PARP12: variants seen among roughly 807,000 people sequenced by gnomAD.
PARP12 encodes protein mono-ADP-ribosyltransferase PARP12.
In PARP12, 59 loss-of-function variants were observed where a neutral mutation model predicts 72.4. The observed-to-expected ratio is 0.81, with a 90% CI of 0.66 to 1.01. PARP12 has a LOEUF of 1.01. Ranked by LOEUF, PARP12 falls within the 50% of genes least tolerant of loss-of-function variation. PARP12 has a pLI of 0.00. For missense variants in PARP12, 851 were observed against 914.0 expected (o/e 0.93, Z 0.89); for synonymous variants, 403 against 371.4 (o/e 1.09, Z -0.98).
At chr7:140,061,466 C>A (rs1005731558) in intron 1 of PARP12, among the ~76,000 whole-genome samples, 2 of 152,094 alleles carry the variant, frequency 1.3e-5, no homozygotes, top group African/African-American at 2.4e-5. Context: ...CACACACACA[C>A]AAAACAGGGA....
intron 1 of PARP12, among the ~76,000 whole-genome samples, chr7:140,060,939 A>G (rs961447321): frequency 6.6e-6 from 1 of 152,158 alleles, no homozygotes; most frequent in Non-Finnish European, 1.5e-5. Context: ...TCTGACCTGA[A>G]CAGCTGCCTC....
Position 140,024,734 on chromosome 7 carries a change from G to C in PARP12, c.1932C>G (p.Ser644Arg), listed in dbSNP as rs1569526183. The change falls in exon 12 of 12, where the codon AGC becomes AGG. Residue 644 changes from serine (S) to arginine (R), a missense_variant. Coordinates refer to ENST00000263549, the MANE Select transcript of PARP12 (RefSeq NM_022750.4). ...FVRPPAKEGW[S>R]NAFYDSCVNS... is the part of the protein sequence containing the mutation. The stretch of plus-strand genomic sequence containing the variant: ...TCACGCAGCTATCATAGAAGGCGTT[G>C]CTCCAGCCCTCCTTGGCCGGCGGAC... 6.2e-7 allele frequency: 1 copy of C among 1,614,186 alleles called. No individual in the cohort carries two copies. Among genetic ancestry groups the C allele is most frequent in the Non-Finnish European group, 8.5e-7 (1 of 1,180,048 alleles).
intron 8 of PARP12, among the ~76,000 whole-genome samples, chr7:140,032,525 C>T (rs1815978081): frequency 6.6e-6 from 1 of 151,944 alleles, no homozygotes; most frequent in Admixed American, 6.6e-5. Context: ...TTCATCACGA[C>T]ATTATACTTT....
intron 4 of PARP12, among the ~76,000 whole-genome samples, chr7:140,051,172 T>C (rs1273857115): frequency 6.6e-6 from 1 of 152,174 alleles, no homozygotes; most frequent in Non-Finnish European, 1.5e-5. Context: ...CATATGTAAG[T>C]GGACTTCAAA....
chr7:140,035,917 GGAGGAGGACA>G (rs1816143591), intron 7 of PARP12, among the ~76,000 whole-genome samples: 1 of 127,002 alleles, frequency 7.9e-6, no homozygotes, highest in African/African-American at 3.3e-5. Flanking sequence ...AGGAGGACAA[GGAGGAGGACA>G]AGGAGGAGGA....
intron 8 of PARP12, chr7:140,033,866 G>A (rs984850373): frequency 7.1e-5 from 70 of 992,788 alleles, no homozygotes; most frequent in Non-Finnish European, 8.1e-5. Context: ...TTTTATTGGT[G>A]TAATTCCATC....
chr7:140,040,748 C>A lies in PARP12; in HGVS notation c.1182+896G>T, dbSNP rs565751229. On this transcript the variant is annotated intron_variant, in intron 6 of 11. Transcript: ENST00000263549. ...CGATTTTCATTTTGGAGGGTGAGTT[C>A]TTTATCAATGGTGCCTTCCCTAAAC... Among the ~76,000 whole-genome samples, 18 of 152,288 alleles carry A rather than the reference C, an allele frequency of 1.2e-4. 1 individual carries two copies. Among genetic ancestry groups the A allele is most frequent in the African/African-American group, 3.8e-4 (16 of 41,572 alleles).
chr7:140,052,032 C>G (rs1816983755), intron 4 of PARP12, among the ~76,000 whole-genome samples: 1 of 152,168 alleles, frequency 6.6e-6, no homozygotes, highest in Non-Finnish European at 1.5e-5. Flanking sequence ...GGCCACTTCC[C>G]CCTTTTAGGA....
chr7:140,062,390 A>C (rs571496254), intron 1 of PARP12, 132 bp downstream of exon 1: 1 of 912,000 alleles, frequency 1.1e-6, no homozygotes, highest in East Asian at 3.3e-5. Flanking sequence ...GCTTTAGTGA[A>C]TGACGGTGCG....
intron 9 of PARP12, chr7:140,027,691 T>TTA (rs1815789128): frequency 4.1e-6 from 1 of 246,626 alleles, no homozygotes; most frequent in Non-Finnish European, 8.2e-6. Flanking sequence ...TTGTGCCACT[T>TTA]TAAGTCAGTT....
intron 8 of PARP12, chr7:140,033,134 C>A: frequency 2.1e-6 from 2 of 962,940 alleles, no homozygotes; most frequent in African/African-American, 1.8e-5. Flanking sequence ...CTCAAGCAAT[C>A]TACCCGCCTC....
chr7:140,058,099 T>A, intron 1 of PARP12, 65 bp from the exon 2 acceptor site: 1 of 1,567,142 alleles, frequency 6.4e-7, no homozygotes, highest in Non-Finnish European at 8.8e-7. Flanking sequence ...TATGTTGGAG[T>A]CCTAACTCCC....
chr7:140,037,912 ACGCTGGTGG>A, intron 6 of PARP12, 56 bp from the exon 7 acceptor site: 1 of 1,575,930 alleles, frequency 6.3e-7, no homozygotes, highest in Non-Finnish European at 8.7e-7. Context: ...ATGAGGAAAA[ACGCTGGTGG>A]CACCCACGCC....
chr7:140,035,548 C>A (rs552013527), intron 7 of PARP12, among the ~76,000 whole-genome samples: 2 of 152,190 alleles, frequency 1.3e-5, no homozygotes, highest in African/African-American at 4.8e-5. Flanking sequence ...CCGTCAGACA[C>A]CACCTAACAG....
intron 5 of PARP12, among the ~76,000 whole-genome samples, chr7:140,046,295 G>A (rs1312006307): frequency 2.6e-5 from 4 of 152,078 alleles, no homozygotes; most frequent in Non-Finnish European, 5.9e-5. Context: ...TCTCTTCTTG[G>A]CAACATATTT....
intron 9 of PARP12, chr7:140,027,664 T>C: frequency 3.1e-6 from 1 of 318,912 alleles, no homozygotes; most frequent in African/African-American, 2.1e-5. Flanking sequence ...GGGAAATTGG[T>C]TTCGTTAGAC....
intron 1 of PARP12, among the ~76,000 whole-genome samples, chr7:140,062,050 T>C (rs1405337608): frequency 6.6e-6 from 1 of 150,436 alleles, no homozygotes; most frequent in Non-Finnish European, 1.5e-5. Flanking sequence ...CCCAGGACCT[T>C]GTGGGCGATG....
chr7:140,059,659 A>T (rs75863073), intron 1 of PARP12, among the ~76,000 whole-genome samples: 180 of 152,292 alleles, frequency 1.2e-3, no homozygotes, highest in African/African-American at 4.0e-3. Context: ...AGAATCCCCC[A>T]GCTCAGTAAA....
chr7:140,054,714 C>T lies in PARP12; in HGVS notation c.810G>A (p.Glu270=). The change falls in exon 4 of 12, where the codon GAG becomes GAA. Residue 270 remains glutamate (E), a synonymous_variant. Coordinates refer to ENST00000263549, the MANE Select transcript of PARP12 (RefSeq NM_022750.4). ...GSVSPNTLSQ[E]EGDQICLYHI... ...GGTACAAACAGATCTGATCACCCTCCTCCTGGCTAAGAGTGTTTGGGGACA... is the reference window on the plus strand; with the variant it reads ...GGTACAAACAGATCTGATCACCCTCTTCCTGGCTAAGAGTGTTTGGGGACA... The T allele has an allele frequency of 6.2e-7, 1 of 1,614,194 alleles. No individual in the cohort carries two copies. The highest frequency in any genetic ancestry group is 8.5e-7 in the Non-Finnish European group (1 of 1,179,992).
Sources: allele counts gnomAD v4.1 joint callset (sites outside exome capture counted in the v4.1 genomes callset), GRCh38; gene constraint gnomAD v4.1.1; transcripts MANE v1.5; gene names NCBI Gene and HGNC (gene_info 2026-07-23, HGNC 2026-07-21).